ERC2: variants seen among roughly 807,000 people sequenced by gnomAD.
ERC2 encodes the protein ERC protein 2.
ERC2 carries 42 observed loss-of-function variants against 114.8 expected under a neutral mutation model. The ratio of observed to expected loss-of-function variants is 0.37; its 90% CI spans 0.29 to 0.47. The LOEUF (loss-of-function observed/expected upper bound fraction) is 0.47, where lower values mean the gene tolerates loss of function less well. Among genes scored for constraint, ERC2 ranks in the 20% least tolerant of loss-of-function variants. ERC2 has a pLI of 0.99. For missense variants in ERC2, 939 were observed against 1,150.7 expected (o/e 0.82, Z 2.66); for synonymous variants, 454 against 425.5 (o/e 1.07, Z -0.82).
intron 2 of ERC2, among the ~76,000 whole-genome samples, chr3:56,317,818 G>A (rs2056940512): frequency 6.6e-6 from 1 of 152,182 alleles, no homozygotes; most frequent in African/African-American, 2.4e-5. Context: ...CGTGGCAAGA[G>A]GTAGAAAGTC....
chr3:56,405,644 CAGAT>C (rs59698815), intron 2 of ERC2, among the ~76,000 whole-genome samples: 3 of 151,180 alleles, frequency 2.0e-5, no homozygotes, highest in South Asian at 2.1e-4. Context: ...GATACATAGA[CAGAT>C]AGATAGATAG....
intron 17 of ERC2, among the ~76,000 whole-genome samples, chr3:55,653,465 T>G (rs2060726103): frequency 6.6e-6 from 1 of 151,968 alleles, no homozygotes. Flanking sequence ...CACAAAGCAA[T>G]GACAGATTAT....
chr3:55,732,672 T>A (rs2065328489), intron 15 of ERC2, among the ~76,000 whole-genome samples: 1 of 152,110 alleles, frequency 6.6e-6, no homozygotes, highest in Admixed American at 6.6e-5. Flanking sequence ...GAGCAAAGTA[T>A]CTAAGAGAAA....
intron 15 of ERC2, among the ~76,000 whole-genome samples, chr3:55,720,442 C>T (rs75636141): frequency 0.02 from 3,065 of 150,340 alleles, 73 homozygotes; most frequent in African/African-American, 0.058. Context: ...CATGCCACTG[C>T]GTCCAGCTAA....
chr3:56,140,762 A>G (rs980829701), intron 5 of ERC2, among the ~76,000 whole-genome samples: 7 of 152,200 alleles, frequency 4.6e-5, no homozygotes, highest in African/African-American at 1.4e-4. Context: ...TGTATGACTC[A>G]CACCTATAAT....
At chr3:55,683,891 G>T (rs747001791) in intron 16 of ERC2, 32 bp from the exon 17 acceptor site, 8 of 1,606,874 alleles carry the variant, frequency 5.0e-6, no homozygotes, top group Middle Eastern at 1.7e-4. Flanking sequence ...GAGGTGCACA[G>T]AGAGGAGGGG....
At chr3:56,292,186 C>G (rs1353315770) in intron 3 of ERC2, among the ~76,000 whole-genome samples, 1 of 152,072 alleles carries the variant, frequency 6.6e-6, no homozygotes, top group Non-Finnish European at 1.5e-5. Context: ...CCCTCATTTC[C>G]CCAAGTTCAC....
chr3:56,263,235 G>C (rs1576155708), intron 3 of ERC2, among the ~76,000 whole-genome samples: 1 of 151,870 alleles, frequency 6.6e-6, no homozygotes, highest in South Asian at 2.1e-4. Context: ...AGATGGTGGA[G>C]TAGGAGACCC....
At chr3:55,847,392 A>G (rs1559756212) in intron 14 of ERC2, among the ~76,000 whole-genome samples, 1 of 152,234 alleles carries the variant, frequency 6.6e-6, no homozygotes, top group East Asian at 1.9e-4. Flanking sequence ...ACCTCATATG[A>G]ATTCATAGTC....
intron 17 of ERC2, among the ~76,000 whole-genome samples, chr3:55,646,711 T>G (rs2060413790): frequency 6.6e-6 from 1 of 152,100 alleles, no homozygotes; most frequent in Non-Finnish European, 1.5e-5. Context: ...TAGACAAGGA[T>G]TTTTGTCTTT....
chr3:55,622,698 T>C (rs1053768694), intron 17 of ERC2, among the ~76,000 whole-genome samples: 1 of 151,934 alleles, frequency 6.6e-6, no homozygotes, highest in Non-Finnish European at 1.5e-5. Flanking sequence ...GTTAAAAATT[T>C]TAAATATTTG....
intron 10 of ERC2, among the ~76,000 whole-genome samples, chr3:55,998,098 C>T (rs1254489045): frequency 6.6e-6 from 1 of 151,330 alleles, no homozygotes; most frequent in Non-Finnish European, 1.5e-5. Context: ...AAATTATTCA[C>T]TCACAATTCA....
At chr3:56,370,578 T>C (rs2059323120) in intron 2 of ERC2, among the ~76,000 whole-genome samples, 1 of 150,366 alleles carries the variant, frequency 6.7e-6, no homozygotes, top group Non-Finnish European at 1.5e-5. Context: ...TTTTTGGGTT[T>C]TGGTGGGGGT....
chr3:55,571,355 T>C (rs904343663), intron 17 of ERC2, among the ~76,000 whole-genome samples: 1 of 152,024 alleles, frequency 6.6e-6, no homozygotes, highest in Non-Finnish European at 1.5e-5. Context: ...GTAAACAATT[T>C]TGACTTGGAG....
intron 2 of ERC2, among the ~76,000 whole-genome samples, chr3:56,309,684 ACT>A (rs2056428464): frequency 6.6e-6 from 1 of 152,158 alleles, no homozygotes; most frequent in South Asian, 2.1e-4. Context: ...AATAATTGTA[ACT>A]CACTACAGGG....
At chr3:55,595,734 C>G (rs895913990) in intron 17 of ERC2, among the ~76,000 whole-genome samples, 1 of 152,154 alleles carries the variant, frequency 6.6e-6, no homozygotes, top group African/African-American at 2.4e-5. Flanking sequence ...TACAAGGGCT[C>G]AAATGCAGAC....
intron 17 of ERC2, among the ~76,000 whole-genome samples, chr3:55,539,474 G>A (rs2054243682): frequency 9.0e-6 from 1 of 111,694 alleles, no homozygotes; most frequent in Non-Finnish European, 1.7e-5. Flanking sequence ...CCAGACTGGA[G>A]TGCAGTGGTG....
intron 6 of ERC2, among the ~76,000 whole-genome samples, chr3:56,118,600 CAGTTTTCTAAGG>C (rs2079383940): frequency 6.6e-6 from 1 of 151,632 alleles, no homozygotes; most frequent in Non-Finnish European, 1.5e-5. Flanking sequence ...GTATAATTCC[CAGTTTTCTAAGG>C]AAGTTCACAC....
At chr3:56,265,568 A>G (rs2053235540) in intron 3 of ERC2, among the ~76,000 whole-genome samples, 1 of 152,246 alleles carries the variant, frequency 6.6e-6, no homozygotes, top group African/African-American at 2.4e-5. Context: ...ATGAAACACC[A>G]AAAACATAAG....
Sources: gnomAD v4.1 joint callset for allele counts (sites outside exome capture counted in the v4.1 genomes callset) on GRCh38, gnomAD v4.1.1 for gene constraint, MANE v1.5 for transcripts, NCBI Gene and HGNC (gene_info 2026-07-23, HGNC 2026-07-21) for gene names.